Variants in UGT2B11 observed in about 807,000 individuals in gnomAD.
UGT2B11 encodes the protein UDP-glucuronosyltransferase 2B11.
A neutral mutation model predicts 51.7 loss-of-function variants in UGT2B11; 49 were observed. The ratio of observed to expected loss-of-function variants is 0.95; its 90% confidence interval spans 0.75 to 1.20. The LOEUF is 1.20. Among genes scored for constraint, UGT2B11 ranks in the 50% most tolerant of loss-of-function variants. The probability of loss-of-function intolerance (pLI) is 0.00; values close to 1 mark genes in which losing one functional copy is unlikely to be tolerated. For synonymous variants in UGT2B11, 273 were observed against 209.0 expected (o/e 1.31, Z -2.64); for missense variants, 810 against 622.1 (o/e 1.30, Z -3.21).
the UGT2B11 span, among the ~76,000 whole-genome samples, chr4:69,221,998 C>A: frequency 6.6e-6 from 1 of 152,268 alleles, no homozygotes; most frequent in Non-Finnish European, 1.5e-5. Context: ...CCTTGCAAAC[C>A]GCACTGATAA....
At chr4:69,208,269 C>A in intron 3 of UGT2B11, 82 bp downstream of exon 3, 2 of 1,588,994 alleles carry the variant, frequency 1.3e-6, no homozygotes, top group Non-Finnish European at 1.7e-6. Context: ...TCACTCTACT[C>A]TTAATATTCT....
At chr4:69,218,227 A>G (rs1347468531), upstream of UGT2B11, among the ~76,000 whole-genome samples, 1 of 152,132 alleles carries the variant, frequency 6.6e-6, no homozygotes, top group East Asian at 1.9e-4. Context: ...GCCACCCAGC[A>G]TTTGATAATA....
intron 5 of UGT2B11, 21 bp from the exon 6 acceptor site, chr4:69,200,740 T>C (rs748244428): frequency 3.8e-6 from 6 of 1,589,608 alleles, no homozygotes; most frequent in South Asian, 2.3e-5. Context: ...AAAATAAGGA[T>C]ACCAACACTG....
chr4:69,214,105 A>T lies in UGT2B11; in HGVS notation c.618T>A (p.Thr206=), dbSNP rs1722174010. The change falls in exon 1 of 6, where the codon ACT becomes ACA. Residue 206 remains threonine, a synonymous_variant. Coordinates refer to ENST00000446444, the MANE Select transcript of UGT2B11 (RefSeq NM_001073.3). Reference sequence around the variant, plus strand: ...TCATATTTTTTACCCTCTCCATGAAAGTCATTTGATCACTTAATTTTGACA... The same window carrying T: ...TCATATTTTTTACCCTCTCCATGAATGTCATTTGATCACTTAATTTTGACA... ...IVMSKLSDQM[T]FMERVKNMIY... 6.2e-7 allele frequency: 1 copy of T among 1,612,090 alleles called. No individual in the cohort carries two copies. Among genetic ancestry groups the T allele is most frequent in the Non-Finnish European group, 8.5e-7 (1 of 1,178,988 alleles).
upstream of UGT2B11, among the ~76,000 whole-genome samples, chr4:69,219,379 G>A (rs763630447): frequency 3.9e-5 from 6 of 151,916 alleles, no homozygotes; most frequent in South Asian, 2.1e-4. Context: ...AATTATATTC[G>A]CCCGTTCTGT....
At chr4:69,200,840 A>C in intron 5 of UGT2B11, 121 bp from the exon 6 acceptor site, 1 of 1,208,250 alleles carries the variant, frequency 8.3e-7, no homozygotes, top group Non-Finnish European at 1.1e-6. Flanking sequence ...GAATTGACAG[A>C]GAATTTGTGT....
At chr4:69,207,541 AT>A (rs1378387336) in intron 3 of UGT2B11, among the ~76,000 whole-genome samples, 1 of 151,282 alleles carries the variant, frequency 6.6e-6, no homozygotes, top group African/African-American at 2.4e-5. Context: ...TCCTTCCTAT[AT>A]TTCCTTCTGC....
the UGT2B11 span, among the ~76,000 whole-genome samples, chr4:69,220,991 A>G: frequency 1.3e-5 from 2 of 152,210 alleles, no homozygotes; most frequent in Non-Finnish European, 2.9e-5. Context: ...TTATGCCTCC[A>G]ATTCCAGTCC....
the UGT2B11 span, among the ~76,000 whole-genome samples, chr4:69,222,904 G>A: frequency 1.3e-5 from 2 of 152,154 alleles, no homozygotes; most frequent in African/African-American, 2.4e-5. Flanking sequence ...TAACACTTCA[G>A]TGGGGCTGGA....
intron 4 of UGT2B11, 130 bp from the exon 5 acceptor site, chr4:69,204,779 G>C: frequency 7.1e-7 from 1 of 1,417,384 alleles, no homozygotes; most frequent in Middle Eastern, 2.3e-4. Flanking sequence ...TCAGACTTCA[G>C]ATGAAAAAGC....
Position 69,214,238 on chromosome 4 carries a change from G to T in UGT2B11, c.485C>A (p.Ala162Glu), listed in dbSNP as rs775064565. The change falls in exon 1 of 6, where the codon GCG (alanine) becomes GAG (glutamate). Residue 162 changes from alanine (A) to glutamate (E), a missense_variant. Transcript: ENST00000446444. ...GTACACAAACCGTATGTTAAGTAGC[G>T]CAGCCAGCAGCTCACCACAGGGAAA... The part of the protein sequence containing the change: ...AVFPCGELLA[A>E]LLNIRFVYSL... 3 of 1,613,210 alleles carry T rather than the reference G, an allele frequency of 1.9e-6. No individual in the cohort carries two copies. The highest frequency in any genetic ancestry group is 2.5e-6 in the Non-Finnish European group (3 of 1,179,478).
chr4:69,209,290 T>G (rs980444112), intron 2 of UGT2B11, among the ~76,000 whole-genome samples: 2 of 151,652 alleles, frequency 1.3e-5, no homozygotes, highest in African/African-American at 4.8e-5. Flanking sequence ...GATGTGCTAT[T>G]TCTAACTGCA....
intron 5 of UGT2B11, among the ~76,000 whole-genome samples, chr4:69,200,925 G>A (rs1246450855): frequency 3.3e-5 from 5 of 150,860 alleles, no homozygotes; most frequent in Admixed American, 3.3e-4. Context: ...TTTTAAAGCA[G>A]AAATGGAAGG....
chr4:69,213,950 C>A (rs984160089), intron 1 of UGT2B11, 52 bp downstream of exon 1: 1 of 1,501,364 alleles, frequency 6.7e-7, no homozygotes, highest in Admixed American at 2.3e-5. Context: ...AGCTCTGCTT[C>A]AAAGACACAA....
intron 3 of UGT2B11, among the ~76,000 whole-genome samples, chr4:69,206,446 G>A (rs368942368): frequency 5.9e-5 from 9 of 151,646 alleles, no homozygotes; most frequent in East Asian, 2.0e-4. Context: ...ACACATAGAT[G>A]GCAACAACAT....
intron 3 of UGT2B11, among the ~76,000 whole-genome samples, chr4:69,207,459 A>G (rs1721899582): frequency 6.6e-6 from 1 of 151,640 alleles, no homozygotes; most frequent in Admixed American, 6.6e-5. Context: ...TACAGAAGAA[A>G]ATATATTCCT....
At chr4:69,223,488 A>C in the UGT2B11 span, among the ~76,000 whole-genome samples, 2 of 152,244 alleles carry the variant, frequency 1.3e-5, no homozygotes, top group Admixed American at 1.3e-4. Context: ...CCCACTGACC[A>C]CTAAATGGAG....
the UGT2B11 span, among the ~76,000 whole-genome samples, chr4:69,221,460 T>C: frequency 4.6e-5 from 7 of 152,224 alleles, no homozygotes; most frequent in Non-Finnish European, 1.0e-4. Context: ...AAATTGTCCT[T>C]CTAAGGCCCA....
chr4:69,219,205 T>C (rs1722352073), upstream of UGT2B11, among the ~76,000 whole-genome samples: 1 of 152,144 alleles, frequency 6.6e-6, no homozygotes, highest in African/African-American at 2.4e-5. Context: ...TGACTGCATC[T>C]AGTTGATCAT....
Sources: gnomAD v4.1 joint callset for allele counts (sites outside exome capture counted in the v4.1 genomes callset) on GRCh38, gnomAD v4.1.1 for gene constraint, MANE v1.5 for transcripts, NCBI Gene and HGNC (gene_info 2026-07-23, HGNC 2026-07-21) for gene names.